Variants in RASGEF1C observed in about 807,000 individuals in gnomAD.
The protein encoded by RASGEF1C is RasGEF domain family member 1C.
In RASGEF1C, 27 loss-of-function variants were observed where a neutral mutation model predicts 58.1. The ratio of observed to expected loss-of-function variants is 0.46; its 90% confidence interval spans 0.34 to 0.64. The LOEUF is 0.64. Ranked by LOEUF, RASGEF1C falls within the 30% of genes least tolerant of loss-of-function variation. The pLI is 0.01. For missense variants in RASGEF1C, 502 were observed against 605.1 expected (o/e 0.83, Z 1.79); for synonymous variants, 243 against 246.3 (o/e 0.99, Z 0.13).
chr5:180,176,782 T>G (rs1043722719), intron 1 of RASGEF1C, among the ~76,000 whole-genome samples: 4 of 152,112 alleles, frequency 2.6e-5, no homozygotes, highest in Non-Finnish European at 5.9e-5. Flanking sequence ...GGTCTCGATC[T>G]CCTGACTTCA....
intron 1 of RASGEF1C, among the ~76,000 whole-genome samples, chr5:180,182,889 GATTCCTACTCCCTGGTGTACACACCCCAT>G (rs1755932194): frequency 6.6e-6 from 1 of 152,188 alleles, no homozygotes; most frequent in Non-Finnish European, 1.5e-5. Flanking sequence ...GATGGCCCTG[GATTCCTACTCCCTGGTGTACACACCCCAT>G]ACAATCCCCT....
intron 1 of RASGEF1C, among the ~76,000 whole-genome samples, chr5:180,169,581 T>C (rs1468398238): frequency 9.7e-5 from 1 of 10,278 alleles, no homozygotes; most frequent in Non-Finnish European, 1.8e-4. Context: ...GAGAGGGGGC[T>C]GGGGGACGTG....
At chr5:180,130,057 G>A (rs986810110) in intron 4 of RASGEF1C, among the ~76,000 whole-genome samples, 3 of 152,206 alleles carry the variant, frequency 2.0e-5, no homozygotes, top group Non-Finnish European at 1.5e-5. Context: ...CGCACCCACT[G>A]TGTGCCCAGA....
intron 1 of RASGEF1C, among the ~76,000 whole-genome samples, chr5:180,193,211 G>A (rs368825463): frequency 5.7e-3 from 168 of 29,564 alleles, no homozygotes; most frequent in African/African-American, 9.3e-3. Flanking sequence ...GCCCGCCACC[G>A]CACCCGGCTA....
At chr5:180,129,939 T>G (rs1483347984) in intron 4 of RASGEF1C, among the ~76,000 whole-genome samples, 1 of 151,920 alleles carries the variant, frequency 6.6e-6, no homozygotes, top group African/African-American at 2.4e-5. Context: ...GGAGAGGAGG[T>G]GCCCCTGAGG....
At chr5:180,123,054 A>T (rs1766201521) in intron 6 of RASGEF1C, among the ~76,000 whole-genome samples, 1 of 152,228 alleles carries the variant, frequency 6.6e-6, no homozygotes, top group Non-Finnish European at 1.5e-5. Flanking sequence ...TATCTGATAA[A>T]TATTACGTAA....
At chr5:180,166,786 G>T (rs749233544) in intron 1 of RASGEF1C, among the ~76,000 whole-genome samples, 7 of 152,070 alleles carry the variant, frequency 4.6e-5, no homozygotes, top group Non-Finnish European at 1.0e-4. Flanking sequence ...AAAGTGCTGG[G>T]ATTACAGGTG....
intron 1 of RASGEF1C, among the ~76,000 whole-genome samples, chr5:180,172,956 G>A (rs187562937): frequency 5.3e-5 from 8 of 152,298 alleles, no homozygotes; most frequent in Non-Finnish European, 8.8e-5. Flanking sequence ...GGCCCTGAGG[G>A]TCAATGCATC....
intron 1 of RASGEF1C, among the ~76,000 whole-genome samples, chr5:180,176,131 T>C (rs1767222359): frequency 6.6e-6 from 1 of 152,214 alleles, no homozygotes; most frequent in Non-Finnish European, 1.5e-5. Flanking sequence ...GGATGTTGGA[T>C]AGGGTGGACT....
rs140790679 is a variant in RASGEF1C, at chr5:180,127,479, G to GC, written c.714+129dup. 3,820 of 772,452 alleles carry GC rather than the reference G, an allele frequency of 4.9e-3. 111 individuals carry two copies. The African/African-American group carries it at 0.062, about 13-fold the overall frequency. The allele number at this position is 772,452 out of a possible 1,614,324, so 47.8% of individuals were successfully genotyped here. On this transcript the variant is annotated intron_variant, in intron 6 of 13. Transcript: ENST00000361132. ...GGAGGGGCGTGGCGGAGTGGGCAGG[G>GC]CCCCCCGAGCCCACCTGTCCCACTC...
intron 1 of RASGEF1C, among the ~76,000 whole-genome samples, chr5:180,182,248 C>T (rs1387776491): frequency 1.3e-5 from 2 of 148,588 alleles, no homozygotes; most frequent in Admixed American, 6.7e-5. Flanking sequence ...AGCCATGGAC[C>T]TTCACAGTGA....
intron 1 of RASGEF1C, among the ~76,000 whole-genome samples, chr5:180,139,524 G>A (rs893786727): frequency 6.6e-6 from 1 of 152,248 alleles, no homozygotes; most frequent in Non-Finnish European, 1.5e-5. Flanking sequence ...GGTGTGGGAG[G>A]TGCTGGGACT....
chr5:180,134,050 G>A (rs889521529), intron 4 of RASGEF1C, among the ~76,000 whole-genome samples: 7 of 152,326 alleles, frequency 4.6e-5, no homozygotes, highest in African/African-American at 1.7e-4. Context: ...CCGGATCTGG[G>A]TGGGCTCAAG....
intron 1 of RASGEF1C, among the ~76,000 whole-genome samples, chr5:180,182,481 G>C (rs1330889661): frequency 2.6e-5 from 4 of 152,168 alleles, no homozygotes; most frequent in Non-Finnish European, 5.9e-5. Flanking sequence ...TGCCGCTGTT[G>C]GCTGGGATGG....
rs1337226822 is a variant in RASGEF1C, at chr5:180,118,817, T to C, written c.957A>G (p.Lys319=). ...GGATGAAAAACTTGGCCGTCCTCAC[T>C]TTGGCCCAGGTCTTCTTCAGCCTGG... ...PVSRLKKTWA[K]VRTAKFFILE... is the part of the protein sequence containing the mutation. The change falls in exon 9 of 14, where the codon AAA becomes AAG. Residue 319 remains lysine, a synonymous_variant. Transcript: ENST00000361132. 6.2e-7 allele frequency: 1 copy of C among 1,614,202 alleles called. No homozygotes were observed. The highest frequency in any genetic ancestry group is 8.5e-7 in the Non-Finnish European group (1 of 1,180,020).
intron 12 of RASGEF1C, 139 bp from the exon 13 acceptor site, chr5:180,102,282 C>G: frequency 3.3e-6 from 2 of 601,370 alleles, no homozygotes; most frequent in Non-Finnish European, 5.9e-6. Flanking sequence ...TCCCCTAATA[C>G]TGTGCTGTCT....
At chr5:180,208,977 C>A (rs1756546671) in intron 1 of RASGEF1C, 51 bp downstream of exon 1, 1 of 147,300 alleles carries the variant, frequency 6.8e-6, no homozygotes, top group African/African-American at 2.5e-5. Context: ...CCCCCGCGAG[C>A]CCGCGCCCTT....
At chr5:180,188,587 C>T (rs1241034892) in intron 1 of RASGEF1C, among the ~76,000 whole-genome samples, 1 of 152,170 alleles carries the variant, frequency 6.6e-6, no homozygotes, top group African/African-American at 2.4e-5. Flanking sequence ...GAGAAACCTG[C>T]ACTTACATCA....
intron 6 of RASGEF1C, among the ~76,000 whole-genome samples, chr5:180,121,534 C>T (rs1165491743): frequency 1.3e-5 from 2 of 152,026 alleles, no homozygotes; most frequent in African/African-American, 2.4e-5. Context: ...AGGATGGTCT[C>T]CATCTCCTGA....
Sources: gnomAD v4.1 joint callset for allele counts (sites outside exome capture counted in the v4.1 genomes callset) on GRCh38, gnomAD v4.1.1 for gene constraint, MANE v1.5 for transcripts, NCBI Gene and HGNC (gene_info 2026-07-23, HGNC 2026-07-21) for gene names.